POU6F2: variants seen among roughly 807,000 people sequenced by gnomAD.
The protein encoded by POU6F2 is POU class 6 homeobox 2.
A neutral mutation model predicts 71.3 loss-of-function variants in POU6F2; 31 were observed. The observed-to-expected ratio is 0.43, with a 90% CI of 0.33 to 0.59. The LOEUF (loss-of-function observed/expected upper bound fraction) is 0.59, where lower values mean the gene tolerates loss of function less well. POU6F2 is among the 20% of genes least tolerant of loss of function. POU6F2 has a pLI of 0.04. For missense variants in POU6F2, 783 were observed against 856.8 expected, an observed-to-expected ratio of 0.91 and a Z score of 1.07; for synonymous variants, 347 against 355.7, an observed-to-expected ratio of 0.98 and a Z score of 0.27.
At chr7:39,107,691 C>G (rs972322812) in intron 2 of POU6F2, among the ~76,000 whole-genome samples, 28 of 152,064 alleles carry the variant, frequency 1.8e-4, no homozygotes, top group Non-Finnish European at 1.0e-4. Context: ...CCGCCCCCTA[C>G]AACACACAAG....
chr7:39,157,495 G>GAT (rs1214047035), intron 2 of POU6F2, among the ~76,000 whole-genome samples: 1 of 152,078 alleles, frequency 6.6e-6, no homozygotes, highest in Non-Finnish European at 1.5e-5. Context: ...AGTTAAAGAA[G>GAT]ATAAGCTGTT....
intron 4 of POU6F2, among the ~76,000 whole-genome samples, chr7:39,222,198 T>TA (rs1303433720): frequency 1.3e-5 from 2 of 152,186 alleles, no homozygotes; most frequent in African/African-American, 4.8e-5. Flanking sequence ...TTTCTTTTGC[T>TA]AAAAGCTTCC....
intron 5 of POU6F2, among the ~76,000 whole-genome samples, chr7:39,369,692 A>AT (rs941292985): frequency 1.1e-4 from 17 of 151,792 alleles, no homozygotes; most frequent in African/African-American, 3.6e-4. Flanking sequence ...ACAATAAAGT[A>AT]TTTTTTTCAG....
intron 2 of POU6F2, among the ~76,000 whole-genome samples, chr7:39,165,962 C>A (rs140819755): frequency 6.6e-6 from 1 of 152,190 alleles, no homozygotes; most frequent in Non-Finnish European, 1.5e-5. Flanking sequence ...CAAACCACAT[C>A]CTTCGGAGAA....
intron 2 of POU6F2, among the ~76,000 whole-genome samples, chr7:39,149,183 G>C (rs1330302491): frequency 1.3e-5 from 2 of 152,040 alleles, no homozygotes; most frequent in East Asian, 3.9e-4. Context: ...TGTCTCCCTC[G>C]GTACCTCAGG....
chr7:39,228,092 T>C (rs1794505572), intron 4 of POU6F2, among the ~76,000 whole-genome samples: 1 of 152,198 alleles, frequency 6.6e-6, no homozygotes, highest in Non-Finnish European at 1.5e-5. Flanking sequence ...GTTGTTTGAC[T>C]CACAATATCT....
chr7:39,232,844 C>T (rs1794600335), intron 4 of POU6F2, among the ~76,000 whole-genome samples: 1 of 152,190 alleles, frequency 6.6e-6, no homozygotes, highest in African/African-American at 2.4e-5. Flanking sequence ...GGATCAATTT[C>T]CATGGCATTA....
intron 4 of POU6F2, among the ~76,000 whole-genome samples, chr7:39,272,162 G>A (rs1583488411): frequency 6.6e-6 from 1 of 152,362 alleles, no homozygotes; most frequent in East Asian, 1.9e-4. Flanking sequence ...AAACCATTCA[G>A]TGGTTTTTAA....
chr7:39,325,880 A>G (rs1005470090), intron 4 of POU6F2, among the ~76,000 whole-genome samples: 1 of 152,216 alleles, frequency 6.6e-6, no homozygotes, highest in Non-Finnish European at 1.5e-5. Context: ...GAATTATTTT[A>G]TTAACACAGG....
At chr7:39,444,444 C>T (rs1186897677) in intron 7 of POU6F2, among the ~76,000 whole-genome samples, 1 of 152,224 alleles carries the variant, frequency 6.6e-6, no homozygotes, top group Non-Finnish European at 1.5e-5. Context: ...GTTAGCTGCG[C>T]ATGGTGGTGC....
At chr7:39,200,385 CT>C (rs1314401773) in intron 2 of POU6F2, among the ~76,000 whole-genome samples, 8 of 152,206 alleles carry the variant, frequency 5.3e-5, no homozygotes, top group African/African-American at 1.4e-4. Flanking sequence ...AAAACCACTT[CT>C]ATAAGCCATG....
At chr7:39,077,282 G>A (rs974055853) in intron 1 of POU6F2, among the ~76,000 whole-genome samples, 1 of 151,816 alleles carries the variant, frequency 6.6e-6, no homozygotes, top group African/African-American at 2.4e-5. Context: ...TATACATGAA[G>A]CATGGTTCAT....
At chr7:38,991,626 C>T (rs547473165) in intron 1 of POU6F2, among the ~76,000 whole-genome samples, 2 of 152,250 alleles carry the variant, frequency 1.3e-5, no homozygotes, top group East Asian at 3.9e-4. Context: ...CACATGAAAA[C>T]CTGAGCCCAG....
At chr7:38,991,428 AGTCTACCAGTGG>A (rs1788600791) in intron 1 of POU6F2, among the ~76,000 whole-genome samples, 2 of 152,134 alleles carry the variant, frequency 1.3e-5, no homozygotes, top group Non-Finnish European at 2.9e-5. Context: ...ATCTTGGTAC[AGTCTACCAGTGG>A]AAAGTTTGGG....
At chr7:39,199,197 G>A (rs1156750332) in intron 2 of POU6F2, among the ~76,000 whole-genome samples, 4 of 152,232 alleles carry the variant, frequency 2.6e-5, no homozygotes, top group Non-Finnish European at 4.4e-5. Flanking sequence ...ATGGGAGGAA[G>A]TGGAGTTGTT....
chr7:39,051,365 G>T (rs1427323125), intron 1 of POU6F2, among the ~76,000 whole-genome samples: 1 of 152,080 alleles, frequency 6.6e-6, no homozygotes, highest in African/African-American at 2.4e-5. Flanking sequence ...TTATTTTACA[G>T]TATATGTTTG....
intron 4 of POU6F2, among the ~76,000 whole-genome samples, chr7:39,227,491 C>G (rs929048507): frequency 1.3e-5 from 2 of 151,812 alleles, no homozygotes; most frequent in African/African-American, 4.8e-5. Flanking sequence ...AAGAGCAACT[C>G]CTAGGCCCCT....
chr7:38,998,345 G>A (rs956435473), intron 1 of POU6F2, among the ~76,000 whole-genome samples: 2 of 152,130 alleles, frequency 1.3e-5, no homozygotes, highest in East Asian at 1.9e-4. Context: ...TGTCCTATGC[G>A]ATTAAAGTGT....
chr7:39,303,594 T>A (rs1297075473), intron 4 of POU6F2, among the ~76,000 whole-genome samples: 2 of 152,204 alleles, frequency 1.3e-5, no homozygotes, highest in East Asian at 3.9e-4. Context: ...GAAGTGATCC[T>A]CTGGTTGGAT....
Sources: gnomAD v4.1 joint callset for allele counts (sites outside exome capture counted in the v4.1 genomes callset) on GRCh38, gnomAD v4.1.1 for gene constraint, MANE v1.5 for transcripts, NCBI Gene and HGNC (gene_info 2026-07-23, HGNC 2026-07-21) for gene names.